GRIA1: variants seen among roughly 807,000 people sequenced by gnomAD.
The protein encoded by GRIA1 is glutamate receptor 1.
Under a neutral mutation model 99.2 loss-of-function variants are expected in GRIA1, and 31 were observed. The observed-to-expected ratio is 0.31, with a 90% CI of 0.23 to 0.42. GRIA1 has a LOEUF of 0.42. Ranked by LOEUF, GRIA1 falls within the 10% of genes least tolerant of loss-of-function variation. GRIA1 has a pLI of 1.00. For synonymous variants in GRIA1, 438 were observed against 432.4 expected, an observed-to-expected ratio of 1.01 and a Z score of -0.16; for missense variants, 782 against 1,157.5, an observed-to-expected ratio of 0.68 and a Z score of 4.71.
Position 153,689,947 on chromosome 5 carries a change from G to A in GRIA1, c.1134+3618G>A, listed in dbSNP as rs149368538. Among the ~76,000 whole-genome samples the A allele has an allele frequency of 7.3e-3, 1,119 of 152,258 alleles. 5 individuals are homozygous for A. Among genetic ancestry groups the A allele is most frequent in the South Asian group, 0.013 (62 of 4,814 alleles). On this transcript the variant is annotated intron_variant, in intron 8 of 15. Transcript: ENST00000285900. Reference sequence around the variant, plus strand: ...CCTAACTATTGCCCAGAGACTGTTGGGAGGCTTTTTATCTCTTCAAGACTT... The same window carrying A: ...CCTAACTATTGCCCAGAGACTGTTGAGAGGCTTTTTATCTCTTCAAGACTT...
At chr5:153,707,949 T>A (rs1759035709) in intron 11 of GRIA1, among the ~76,000 whole-genome samples, 2 of 152,100 alleles carry the variant, frequency 1.3e-5, no homozygotes, top group African/African-American at 2.4e-5. Flanking sequence ...GGCCCGTGGA[T>A]AAACAGTGGG....
intron 2 of GRIA1, among the ~76,000 whole-genome samples, chr5:153,590,506 A>ATGTGTGTGTGTG (rs5872325): frequency 1.4e-5 from 2 of 147,844 alleles, no homozygotes; most frequent in Non-Finnish European, 3.0e-5. Context: ...AGCTATTGAA[A>ATGTGTGTGTGTG]TGTGTGTGTG....
chr5:153,651,125 G>T (rs1031478006), intron 4 of GRIA1, among the ~76,000 whole-genome samples: 2 of 151,964 alleles, frequency 1.3e-5, no homozygotes, highest in Non-Finnish European at 2.9e-5. Flanking sequence ...CCATTTTAGA[G>T]TTTATGAAAT....
intron 2 of GRIA1, among the ~76,000 whole-genome samples, chr5:153,496,153 T>C (rs181143475): frequency 2.0e-4 from 30 of 152,350 alleles, no homozygotes; most frequent in Admixed American, 4.6e-4. Context: ...AGGTGGTGCT[T>C]CTGTCTTGTT....
intron 2 of GRIA1, among the ~76,000 whole-genome samples, chr5:153,598,787 GT>G (rs1336411638): frequency 1.2e-4 from 15 of 127,432 alleles, no homozygotes; most frequent in Non-Finnish European, 1.0e-4. Context: ...TAAAATGAAG[GT>G]TAAACCACGG....
intron 2 of GRIA1, among the ~76,000 whole-genome samples, chr5:153,632,299 G>C (rs1472801935): frequency 6.6e-6 from 1 of 152,170 alleles, no homozygotes. Flanking sequence ...AGTGGGCATT[G>C]TAAATACATT....
chr5:153,580,170 T>C (rs1283703525), intron 2 of GRIA1, among the ~76,000 whole-genome samples: 1 of 152,050 alleles, frequency 6.6e-6, no homozygotes, highest in East Asian at 1.9e-4. Flanking sequence ...GTCAAGGTGG[T>C]CCCCTCTGAG....
chr5:153,759,042 T>A, intron 11 of GRIA1, among the ~76,000 whole-genome samples: 1 of 150,422 alleles, frequency 6.6e-6, no homozygotes. Context: ...ATGAGACAAA[T>A]GAAAATGAAA....
At chr5:153,725,249 A>G (rs1032420826) in intron 11 of GRIA1, among the ~76,000 whole-genome samples, 30 of 151,910 alleles carry the variant, frequency 2.0e-4, no homozygotes, top group African/African-American at 6.8e-4. Flanking sequence ...TGAAGGAAGC[A>G]CTAAACATGG....
At chr5:153,719,768 G>C (rs909474914) in intron 11 of GRIA1, among the ~76,000 whole-genome samples, 3 of 152,096 alleles carry the variant, frequency 2.0e-5, no homozygotes, top group Admixed American at 6.5e-5. Flanking sequence ...TGGAATGGAG[G>C]GGGTAGGGGT....
intron 15 of GRIA1, among the ~76,000 whole-genome samples, chr5:153,810,018 A>G (rs1300089135): frequency 6.6e-6 from 1 of 152,216 alleles, no homozygotes; most frequent in Non-Finnish European, 1.5e-5. Context: ...ACAGTAAAAT[A>G]TAAGAGTCTG....
At chr5:153,691,057 T>C (rs13172367) in intron 8 of GRIA1, among the ~76,000 whole-genome samples, 14,178 of 152,212 alleles carry the variant, frequency 0.093, 802 homozygotes, top group Non-Finnish European at 0.12. Flanking sequence ...TCCTGTTCAC[T>C]CATGTGCCAA....
In GRIA1 at chr5:153,802,473, G is replaced by C; in HGVS notation, c.2503G>C (p.Glu835Gln). Reference protein sequence around the residue: ...LIEFCYKSRSESKRMKGFCLI... With the variant: ...LIEFCYKSRSQSKRMKGFCLI... The stretch of plus-strand genomic sequence containing the variant: ...CGAGTTCTGCTACAAATCCCGTAGT[G>C]AATCCAAGCGGATGAAGGTGGCATC... The change falls in exon 15 of 16, where the codon GAA becomes CAA. Residue 835 changes from glutamate to glutamine, a missense_variant. By Grantham distance (29) the Glu-to-Gln change is conservative. Around this residue, in one of 5 missense-constraint regions of GRIA1, gnomAD observed 119 missense variants for 326.6 expected, o/e 0.36. Coordinates refer to ENST00000285900, the MANE Select transcript of GRIA1 (RefSeq NM_000827.4). The C allele has an allele frequency of 6.2e-7, 1 of 1,613,976 alleles. No homozygotes were observed. The highest frequency in any genetic ancestry group is 8.5e-7 in the Non-Finnish European group (1 of 1,179,954).
chr5:153,510,535 G>A (rs1452228361), intron 2 of GRIA1, among the ~76,000 whole-genome samples: 2 of 152,138 alleles, frequency 1.3e-5, no homozygotes, highest in African/African-American at 2.4e-5. Context: ...GTGCATGAAA[G>A]AGGTGAAAAG....
chr5:153,794,248 T>A (rs1453080401), intron 13 of GRIA1, among the ~76,000 whole-genome samples: 1 of 152,132 alleles, frequency 6.6e-6, no homozygotes, highest in Non-Finnish European at 1.5e-5. Context: ...ACATTAACCA[T>A]GAGCACCGAT....
At chr5:153,692,307 G>A (rs1561772991) in intron 8 of GRIA1, among the ~76,000 whole-genome samples, 1 of 152,086 alleles carries the variant, frequency 6.6e-6, no homozygotes, top group African/African-American at 2.4e-5. Flanking sequence ...ATTTTTATTG[G>A]TTGATTGATC....
At chr5:153,560,363 A>T (rs1761015000) in intron 2 of GRIA1, among the ~76,000 whole-genome samples, 1 of 152,172 alleles carries the variant, frequency 6.6e-6, no homozygotes, top group South Asian at 2.1e-4. Flanking sequence ...GCACCCACAC[A>T]GGACTGGATG....
At chr5:153,702,499 G>C (rs1376897413) in intron 10 of GRIA1, among the ~76,000 whole-genome samples, 2 of 152,202 alleles carry the variant, frequency 1.3e-5, no homozygotes, top group Non-Finnish European at 2.9e-5. Flanking sequence ...ATTTCTGATA[G>C]TTTTATTCAC....
At chr5:153,658,183 C>G (rs1026973271) in intron 5 of GRIA1, among the ~76,000 whole-genome samples, 1 of 152,068 alleles carries the variant, frequency 6.6e-6, no homozygotes, top group Non-Finnish European at 1.5e-5. Flanking sequence ...TTGTAGGCAC[C>G]CTGCTGCTTA....
Sources: allele counts gnomAD v4.1 joint callset (sites outside exome capture counted in the v4.1 genomes callset), GRCh38; gene constraint gnomAD v4.1.1; regional missense constraint gnomAD v4.1.1; transcripts MANE v1.5; gene names NCBI Gene and HGNC (gene_info 2026-07-23, HGNC 2026-07-21).